The following ODF2L variants were observed in gnomAD, a reference collection of about 807,000 sequenced individuals.
ODF2L encodes the protein protein BCAP.
A neutral mutation model predicts 86.3 loss-of-function variants in ODF2L; 76 were observed. That is an observed-to-expected ratio of 0.88 (90% CI 0.73 to 1.07). The LOEUF (loss-of-function observed/expected upper bound fraction) is 1.07. Ranked by LOEUF, ODF2L falls within the 50% of genes least tolerant of loss-of-function variation. ODF2L has a pLI of 0.00. For synonymous variants in ODF2L, 241 were observed against 231.3 expected (o/e 1.04, Z -0.38); for missense variants, 748 against 717.4 (o/e 1.04, Z -0.49).
chr1:86,349,116 A>G (rs1481762724), downstream of ODF2L: 1 of 227,034 alleles, frequency 4.4e-6, no homozygotes, highest in Non-Finnish European at 8.3e-6. Flanking sequence ...TTAGCCCCAA[A>G]TTATTACATA....
At chr1:86,386,953 T>C in exon 2 of ODF2L, 1 of 1,598,206 alleles carries the variant, frequency 6.3e-7, no homozygotes, top group African/African-American at 1.3e-5. Flanking sequence ...GTGGTAAATC[T>C]TCTTTCTCTG....
downstream of ODF2L, chr1:86,347,486 C>T (rs938445335): frequency 2.0e-5 from 3 of 151,946 alleles, no homozygotes; most frequent in Admixed American, 6.6e-5. Context: ...ATCTTGTTAG[C>T]AATTGTTGGG....
intron 14 of ODF2L, 87 bp downstream of exon 13, chr1:86,356,357 C>G (rs558190061): frequency 9.6e-7 from 1 of 1,036,332 alleles, no homozygotes; most frequent in East Asian, 2.5e-5. Context: ...AAAAATCAAG[C>G]CCTGACATGA....
At chr1:86,356,826 T>C (rs1297668673) in intron 13 of ODF2L, among the ~76,000 whole-genome samples, 2 of 152,134 alleles carry the variant, frequency 1.3e-5, no homozygotes, top group Non-Finnish European at 2.9e-5. Flanking sequence ...ATAAATAGGG[T>C]AAATTAGCTG....
intron 14 of ODF2L, chr1:86,355,901 T>TA (rs1250508537): frequency 2.5e-5 from 4 of 158,592 alleles, no homozygotes; most frequent in East Asian, 1.9e-4. Context: ...ACTGCTCCTT[T>TA]AAAAAAAATT....
rs544817092 is a variant in ODF2L, at chr1:86,364,607, A to T, written c.1143+4029T>A. ...GTCAAGTGCCTAAGTAAGTAAAAGA[A>T]TCAAGTCATATGGGAATTTTGGGGA... On this transcript the variant is annotated intron_variant, in intron 11 of 17. Coordinates refer to ENST00000317336, the Ensembl canonical transcript of ODF2L. 1.4e-4 allele frequency among the ~76,000 whole-genome samples: 22 copies of T among 152,312 alleles called. 1 individual carries two copies. The South Asian group carries it at 2.1e-3, about 14-fold the overall frequency.
intron 2 of ODF2L, 181 bp from the exon 3 acceptor site, chr1:86,385,771 T>A (rs900290975): frequency 2.2e-6 from 1 of 449,550 alleles, no homozygotes; most frequent in African/African-American, 2.0e-5. Context: ...TTTACTTATA[T>A]TTTACTTGTA....
chr1:86,354,427 C>T lies in ODF2L; in HGVS notation c.1767+103G>A, dbSNP rs549692208. On this transcript the variant is annotated intron_variant, in intron 16 of 17. Coordinates refer to ENST00000317336, the Ensembl canonical transcript of ODF2L. ...AGAAAAATGTAATTGCTCCCTTCAC[C>T]CTGTCATCAGGACAAAAACAATAAC... 67 of 715,162 alleles carry T rather than the reference C, an allele frequency of 9.4e-5. No individual in the cohort carries two copies. The South Asian group carries it at 1.3e-3, about 14-fold the overall frequency. The allele number at this position is 715,162 out of a possible 1,614,324, so 44.3% of individuals were successfully genotyped here.
At chr1:86,361,959 CA>C (rs1659068323) in intron 11 of ODF2L, among the ~76,000 whole-genome samples, 1 of 152,162 alleles carries the variant, frequency 6.6e-6, no homozygotes, top group Non-Finnish European at 1.5e-5. Context: ...TAAAATACAT[CA>C]AACACAAAAG....
At chr1:86,355,292 A>G (rs1190111626) in intron 14 of ODF2L, 2 of 1,173,488 alleles carry the variant, frequency 1.7e-6, no homozygotes, top group African/African-American at 3.1e-5. Context: ...TGTAAATAAA[A>G]TACATATTTT....
intron 1 of ODF2L, among the ~76,000 whole-genome samples, chr1:86,388,100 A>G (rs141458539): frequency 2.4e-4 from 36 of 152,204 alleles, no homozygotes; most frequent in African/African-American, 8.2e-4. Flanking sequence ...AAGTATGGTC[A>G]CATTTTTTAA....
chr1:86,382,197 T>G (rs562712835), intron 7 of ODF2L, 45 bp downstream of exon 7: 5 of 1,515,636 alleles, frequency 3.3e-6, no homozygotes, highest in Middle Eastern at 2.4e-4. Context: ...CTTTCATTAA[T>G]TTTATCACTT....
intron 8 of ODF2L, among the ~76,000 whole-genome samples, chr1:86,373,530 ACTACT>A (rs1201673999): frequency 3.3e-5 from 5 of 149,600 alleles, no homozygotes; most frequent in Non-Finnish European, 7.4e-5. Context: ...GATATATATA[ACTACT>A]CTATATATAT....
intron 17 of ODF2L, chr1:86,352,339 A>G: frequency 3.6e-6 from 4 of 1,098,200 alleles, no homozygotes; most frequent in Non-Finnish European, 4.8e-6. Context: ...TATTCAGGAA[A>G]AAAAACAGAA....
intron 11 of ODF2L, among the ~76,000 whole-genome samples, chr1:86,365,885 C>A (rs565439091): frequency 7.9e-5 from 12 of 152,134 alleles, no homozygotes; most frequent in South Asian, 2.1e-4. Context: ...CCCTCCACCC[C>A]CTGCTCACAC....
exon 13 of ODF2L, chr1:86,358,821 T>C: frequency 6.5e-7 from 1 of 1,528,958 alleles, no homozygotes; most frequent in Non-Finnish European, 8.9e-7. Flanking sequence ...TTTTGTTATT[T>C]GGTTATTTTT....
Position 86,384,829 on chromosome 1 carries a change from A to T in ODF2L, c.247-28T>A, listed in dbSNP as rs754137687. The T allele has an allele frequency of 1.2e-5, 18 of 1,464,772 alleles. No homozygotes were observed. The East Asian group carries it at 4.7e-4, about 38-fold the overall frequency. The allele number at this position is 1,464,772 out of a possible 1,614,324, so 90.7% of individuals were successfully genotyped here. On this transcript the variant is annotated intron_variant, in intron 3 of 17. Coordinates refer to ENST00000317336, the Ensembl canonical transcript of ODF2L. ...GACAAATTATAAGAACCACATACACATTTTAAGACACAGCATTAAATAAAA... is the reference window on the plus strand; with the variant it reads ...GACAAATTATAAGAACCACATACACTTTTTAAGACACAGCATTAAATAAAA...
chr1:86,349,155 A>T (rs1332243601), downstream of ODF2L: 1 of 180,730 alleles, frequency 5.5e-6, no homozygotes, highest in Non-Finnish European at 1.1e-5. Flanking sequence ...ATAGGTTAAC[A>T]ACTGTCATAA....
intron 13 of ODF2L, 129 bp from the exon 13 acceptor site, chr1:86,356,731 C>A: frequency 1.5e-6 from 1 of 647,784 alleles, no homozygotes; most frequent in Non-Finnish European, 2.3e-6. Context: ...AAGAACACAA[C>A]TGAATAAATA....
Sources: allele counts gnomAD v4.1 joint callset (sites outside exome capture counted in the v4.1 genomes callset), GRCh38; gene constraint gnomAD v4.1.1; transcripts MANE v1.5; gene names NCBI Gene and HGNC (gene_info 2026-07-23, HGNC 2026-07-21).